DAB1: variants seen among roughly 807,000 people sequenced by gnomAD.
DAB1 encodes disabled homolog 1.
Under a neutral mutation model 64.6 loss-of-function variants are expected in DAB1, and 15 were observed. That is an observed-to-expected ratio of 0.23 (90% CI 0.16 to 0.36). The LOEUF (loss-of-function observed/expected upper bound fraction) is 0.36, where lower values mean the gene tolerates loss of function less well. DAB1 is among the 10% of genes least tolerant of loss of function. The pLI is 1.00. For missense variants in DAB1, 596 were observed against 706.7 expected (o/e 0.84, Z 1.78); for synonymous variants, 235 against 251.9 (o/e 0.93, Z 0.64).
chr1:57,666,369 C>G (rs1051033896), intron 6 of DAB1, among the ~76,000 whole-genome samples: 1 of 152,114 alleles, frequency 6.6e-6, no homozygotes, highest in African/African-American at 2.4e-5. Flanking sequence ...TAGATTTTTA[C>G]AACAAATTGG....
intron 7 of DAB1, among the ~76,000 whole-genome samples, chr1:57,542,785 A>G (rs958394093): frequency 6.6e-6 from 1 of 152,060 alleles, no homozygotes; most frequent in Non-Finnish European, 1.5e-5. Flanking sequence ...TTCTCATGTA[A>G]TTCTCTCCCA....
chr1:58,016,467 C>T (rs1019784903), intron 5 of DAB1, among the ~76,000 whole-genome samples: 3 of 152,158 alleles, frequency 2.0e-5, no homozygotes, highest in Non-Finnish European at 4.4e-5. Flanking sequence ...AACAACTATT[C>T]TCCCTGCTGA....
At chr1:57,835,024 A>G (rs1652749527) in intron 1 of DAB1, among the ~76,000 whole-genome samples, 1 of 152,196 alleles carries the variant, frequency 6.6e-6, no homozygotes, top group Admixed American at 6.5e-5. Flanking sequence ...CTCAATCTTA[A>G]AGAATGATAA....
Position 57,767,671 on chromosome 1 carries a change from T to A in DAB1, n.551+116328A>T, listed in dbSNP as rs193209448. On this transcript the variant is annotated intron_variant and non_coding_transcript_variant, in intron 6 of 20. Transcript: ENST00000485760. The stretch of plus-strand genomic sequence containing the variant: ...TTATAGTGGCTACTCAATAAATAAT[T>A]AATGAATGAAAGAACCAAATTAACA... 7.6e-4 allele frequency among the ~76,000 whole-genome samples: 116 copies of A among 152,234 alleles called. No individual in the cohort carries two copies. In the Middle Eastern group the frequency reaches 0.02, roughly 27 times the overall value.
intron 6 of DAB1, among the ~76,000 whole-genome samples, chr1:57,784,486 TAAAAGTGCTACTC>T (rs1354230059): frequency 6.6e-6 from 1 of 152,136 alleles, no homozygotes; most frequent in Non-Finnish European, 1.5e-5. Context: ...TAAAGAAAAT[TAAAAGTGCTACTC>T]CAGTGAACAC....
intron 3 of DAB1, among the ~76,000 whole-genome samples, chr1:58,409,504 G>T (rs886657359): frequency 1.3e-5 from 2 of 152,220 alleles, no homozygotes; most frequent in Non-Finnish European, 2.9e-5. Context: ...GTCCCAGGAA[G>T]CAGTGAGCTC....
At chr1:57,763,628 T>C (rs1318498318) in intron 6 of DAB1, among the ~76,000 whole-genome samples, 3 of 152,082 alleles carry the variant, frequency 2.0e-5, no homozygotes, top group Admixed American at 2.0e-4. Context: ...CAGTGAGCTA[T>C]GATTGAATCA....
At chr1:57,027,308 A>G (rs1189824741) in intron 9 of DAB1, among the ~76,000 whole-genome samples, 1 of 152,186 alleles carries the variant, frequency 6.6e-6, no homozygotes, top group East Asian at 1.9e-4. Flanking sequence ...GTTCTGAGGG[A>G]TGGTTAATCA....
At chr1:57,963,727 G>A (rs1645583340) in intron 5 of DAB1, among the ~76,000 whole-genome samples, 1 of 151,802 alleles carries the variant, frequency 6.6e-6, no homozygotes, top group South Asian at 2.1e-4. Flanking sequence ...CCCCTGGGAA[G>A]AGGTGCTGTA....
chr1:58,091,101 A>G (rs1276093078), intron 5 of DAB1, among the ~76,000 whole-genome samples: 4 of 152,184 alleles, frequency 2.6e-5, no homozygotes, highest in Non-Finnish European at 5.9e-5. Context: ...AGAGACCTAC[A>G]GACTCCTTAG....
At chr1:58,349,564 C>T (rs1322681246) in intron 3 of DAB1, among the ~76,000 whole-genome samples, 2 of 151,566 alleles carry the variant, frequency 1.3e-5, no homozygotes, top group Non-Finnish European at 2.9e-5. Context: ...ACCCATAAAC[C>T]CTTCATCTAC....
chr1:57,006,242 C>T (rs1386592432), intron 14 of DAB1, among the ~76,000 whole-genome samples: 1 of 152,184 alleles, frequency 6.6e-6, no homozygotes, highest in Non-Finnish European at 1.5e-5. Context: ...GCCTTGATTT[C>T]TCTTTTGATC....
intron 6 of DAB1, among the ~76,000 whole-genome samples, chr1:57,792,729 T>C (rs1196065423): frequency 2.0e-5 from 3 of 152,232 alleles, no homozygotes; most frequent in South Asian, 4.1e-4. Flanking sequence ...TTGAAATGTA[T>C]CTTTCTCCTC....
intron 4 of DAB1, among the ~76,000 whole-genome samples, chr1:58,159,589 T>A (rs1392191636): frequency 6.6e-6 from 1 of 152,202 alleles, no homozygotes; most frequent in African/African-American, 2.4e-5. Context: ...ATTACTGCAA[T>A]GTAACAGAGC....
chr1:57,043,721 C>A (rs1327883526), intron 9 of DAB1, among the ~76,000 whole-genome samples: 1 of 152,112 alleles, frequency 6.6e-6, no homozygotes, highest in Non-Finnish European at 1.5e-5. Context: ...GCAGTGCATG[C>A]CTGTAGTCCC....
intron 6 of DAB1, among the ~76,000 whole-genome samples, chr1:57,802,689 G>A (rs180759927): frequency 6.6e-6 from 1 of 152,192 alleles, no homozygotes; most frequent in Non-Finnish European, 1.5e-5. Context: ...AAACTGTGTA[G>A]CACCTTCTCT....
chr1:58,145,707 A>G (rs1366426177), intron 5 of DAB1, among the ~76,000 whole-genome samples: 2 of 152,238 alleles, frequency 1.3e-5, no homozygotes, highest in African/African-American at 4.8e-5. Flanking sequence ...CTCAGCTTTT[A>G]TCAAGGAGAA....
At chr1:57,372,206 A>C (rs952010328) in intron 1 of DAB1, among the ~76,000 whole-genome samples, 1 of 152,022 alleles carries the variant, frequency 6.6e-6, no homozygotes, top group Non-Finnish European at 1.5e-5. Flanking sequence ...GACATTTACA[A>C]ATTATGACAA....
chr1:58,051,270 G>T (rs4338386), intron 5 of DAB1, among the ~76,000 whole-genome samples: 51,929 of 150,602 alleles, frequency 0.34, 9,626 homozygotes, highest in African/African-American at 0.5. Context: ...CATTGTTCAA[G>T]TCCCACCTCT....
Sources: allele counts gnomAD v4.1 joint callset (sites outside exome capture counted in the v4.1 genomes callset), GRCh38; gene constraint gnomAD v4.1.1; transcripts MANE v1.5; gene names NCBI Gene and HGNC (gene_info 2026-07-23, HGNC 2026-07-21).